The following HDAC8 variants were observed in gnomAD, a reference collection of about 807,000 sequenced individuals.
The protein encoded by HDAC8 is histone deacetylase-like 1.
Under a neutral mutation model 32.2 loss-of-function variants are expected in HDAC8, and 1 was observed. That is an observed-to-expected ratio of 0.03 (90% confidence interval 0.01 to 0.15). The LOEUF is 0.15. HDAC8 is among the 10% of genes least tolerant of loss of function. The pLI, the probability that HDAC8 is intolerant of heterozygous loss-of-function variation, is 1.00. For synonymous variants in HDAC8, 108 were observed against 113.9 expected, an observed-to-expected ratio of 0.95 and a Z score of 0.33; for missense variants, 117 against 300.0, an observed-to-expected ratio of 0.39 and a Z score of 4.51.
chrX:72,472,570 G>A (rs1392891703), intron 7 of HDAC8, among the ~76,000 whole-genome samples: 1 of 111,740 alleles, frequency 8.9e-6, no homozygotes, highest in Non-Finnish European at 1.9e-5. Flanking sequence ...TTTGATTACT[G>A]TAGTTTTGTT....
At chrX:72,361,498 G>T (rs560807821) in intron 9 of HDAC8, among the ~76,000 whole-genome samples, 1 of 111,031 alleles carries the variant, frequency 9.0e-6, no homozygotes. Flanking sequence ...TTTAAGCAAA[G>T]AATATGCTCA....
intron 9 of HDAC8, among the ~76,000 whole-genome samples, chrX:72,370,805 G>A (rs1338014122): frequency 1.8e-5 from 2 of 112,278 alleles, no homozygotes; most frequent in African/African-American, 6.5e-5. Context: ...AGAGAAAGAT[G>A]TAGGCTGGGA....
chrX:72,351,994 G>A lies in HDAC8; in HGVS notation c.1006-156C>T, dbSNP rs147459925. On this transcript the variant is annotated intron_variant, in intron 9 of 10. Coordinates refer to ENST00000373573, the MANE Select transcript of HDAC8 (RefSeq NM_018486.3). ...TGATGCAGCAGGAAGCCCTGCCTTG[G>A]TGGTATCACTACTCCCCTTGCTCAG... Among the ~76,000 whole-genome samples, 893 of 112,198 alleles carry A rather than the reference G, an allele frequency of 8.0e-3. 7 individuals carry two copies. Among genetic ancestry groups the A allele is most frequent in the African/African-American group, 0.027 (841 of 30,912 alleles).
In HDAC8 at chrX:72,464,566, C is replaced by T; in HGVS notation, c.903G>A (p.Leu301=). The T allele has an allele frequency of 8.3e-7, 1 of 1,207,006 alleles. No homozygotes were observed. Among genetic ancestry groups the T allele is most frequent in the Middle Eastern group, 2.3e-4 (1 of 4,351 alleles). ...ACCTTCCTTTATACTCACCTCCTCCCAAAATGAGTGTTGCCAACTGCCATT... is the reference window on the plus strand; with the variant it reads ...ACCTTCCTTTATACTCACCTCCTCCTAAAATGAGTGTTGCCAACTGCCATT... The part of the protein sequence containing the change: ...ILQWQLATLI[L]GGGGYNLANT... The change falls in exon 8 of 11, where the codon TTG becomes TTA. Residue 301 remains leucine, a synonymous_variant. Coordinates refer to ENST00000373573, the MANE Select transcript of HDAC8 (RefSeq NM_018486.3).
At chrX:72,374,728 T>C (rs1374672293) in intron 9 of HDAC8, among the ~76,000 whole-genome samples, 4 of 111,061 alleles carry the variant, frequency 3.6e-5, no homozygotes, top group Non-Finnish European at 7.5e-5. Flanking sequence ...TTGCAAATAT[T>C]TTGATTCACA....
intron 4 of HDAC8, among the ~76,000 whole-genome samples, chrX:72,555,531 C>T (rs782353538): frequency 3.6e-5 from 4 of 111,520 alleles, no homozygotes; most frequent in Admixed American, 9.5e-5. Context: ...GAAAATTATT[C>T]GGTGAAATGG....
chrX:72,330,931 A>G (rs1269047718), intron 10 of HDAC8: 2 of 106,835 alleles, frequency 1.9e-5, no homozygotes, highest in Non-Finnish European at 3.9e-5. Flanking sequence ...AGTCAGAAAC[A>G]AACTACTTGC....
chrX:72,349,388 C>T (rs1228852553), intron 10 of HDAC8, among the ~76,000 whole-genome samples: 2 of 112,450 alleles, frequency 1.8e-5, no homozygotes, highest in African/African-American at 6.5e-5. Flanking sequence ...GTGACTCATA[C>T]TGAGCTCCGA....
rs1171752604 is a variant in HDAC8 at position 72,467,753 on chromosome X, A to G, written c.738-3022T>C. The G allele has an allele frequency of 5.4e-5, 21 of 388,922 alleles. No homozygotes were observed. The East Asian group carries it at 9.6e-4, about 18-fold the overall frequency. 32.1% of individuals were successfully genotyped at this position (388,922 alleles called of 1,213,427 possible). On this transcript the variant is annotated intron_variant, in intron 7 of 10. Coordinates refer to ENST00000373573, the MANE Select transcript of HDAC8 (RefSeq NM_018486.3). ...CTATTGTAGGATACCCTGAAGGTTG[A>G]TGAGGGCTTTTGCAACCATCCAGGC...
rs1479258631 is a variant in HDAC8 at position 72,373,876 on chromosome X, A to G, written c.1006-22038T>C. On this transcript the variant is annotated intron_variant, in intron 9 of 10. Coordinates refer to ENST00000373573, the MANE Select transcript of HDAC8 (RefSeq NM_018486.3). ...ACATTTGCTATTATCCATCTTTTTG[A>G]TTATTGTCATCCTAGTAGGAGTGAA... 2.7e-5 allele frequency among the ~76,000 whole-genome samples: 3 copies of G among 111,697 alleles called. No individual in the cohort carries two copies. In the East Asian group the frequency reaches 8.4e-4, roughly 31 times the overall value.
intron 4 of HDAC8, among the ~76,000 whole-genome samples, chrX:72,546,739 A>G (rs1305391750): frequency 9.0e-6 from 1 of 110,816 alleles, no homozygotes; most frequent in Non-Finnish European, 1.9e-5. Flanking sequence ...CAACATAGAG[A>G]AGCAGAGGCC....
chrX:72,414,396 C>T (rs1020334581), intron 9 of HDAC8, among the ~76,000 whole-genome samples: 3 of 111,489 alleles, frequency 2.7e-5, no homozygotes, highest in African/African-American at 9.8e-5. Flanking sequence ...GGCTGCAGTA[C>T]GGTGACCCCA....
At chrX:72,387,438 C>T (rs1217062081) in intron 9 of HDAC8, among the ~76,000 whole-genome samples, 1 of 111,720 alleles carries the variant, frequency 9.0e-6, no homozygotes, top group Admixed American at 9.5e-5. Context: ...AGAGTAATTC[C>T]CTCACTCCCT....
intron 9 of HDAC8, among the ~76,000 whole-genome samples, chrX:72,447,632 G>C (rs1005936251): frequency 8.9e-6 from 1 of 111,881 alleles, no homozygotes; most frequent in Non-Finnish European, 1.9e-5. Flanking sequence ...CAAATAGGAA[G>C]AGAGGAAGTC....
intron 9 of HDAC8, among the ~76,000 whole-genome samples, chrX:72,443,274 C>T (rs1177756761): frequency 7.3e-5 from 8 of 109,240 alleles, no homozygotes; most frequent in Non-Finnish European, 1.1e-4. Context: ...AAATTGACCA[C>T]ATAGTTGGAA....
intron 9 of HDAC8, among the ~76,000 whole-genome samples, chrX:72,372,347 A>G (rs1374663061): frequency 1.8e-5 from 2 of 110,557 alleles, no homozygotes; most frequent in Non-Finnish European, 3.8e-5. Context: ...TTCACTGTGG[A>G]TTATAATTGT....
Position 72,539,240 on chromosome X carries a change from G to T in HDAC8, c.437+28649C>A, listed in dbSNP as rs782758830. On this transcript the variant is annotated intron_variant, in intron 4 of 10. Coordinates refer to ENST00000373573, the MANE Select transcript of HDAC8 (RefSeq NM_018486.3). ...TTTATTTATTTATTTATTTATTTAT[G>T]TATTTATTTTGAGACGGAATCTCAC... Among the ~76,000 whole-genome samples, 5 of 105,388 alleles carry T rather than the reference G, an allele frequency of 4.7e-5. No individual in the cohort carries two copies. The South Asian group carries it at 1.4e-3, about 29-fold the overall frequency. The allele number at this position is 105,388 out of a possible 115,157, so 91.5% of individuals were successfully genotyped here.
At chrX:72,509,842 T>G (rs1306887101) in intron 4 of HDAC8, among the ~76,000 whole-genome samples, 1 of 111,376 alleles carries the variant, frequency 9.0e-6, no homozygotes, top group Non-Finnish European at 1.9e-5. Context: ...TTGAAATTAG[T>G]CAATTTTCAC....
chrX:72,538,845 C>T (rs1459182647), intron 4 of HDAC8, among the ~76,000 whole-genome samples: 5 of 111,530 alleles, frequency 4.5e-5, no homozygotes, highest in African/African-American at 1.6e-4. Context: ...TGAAAAGATT[C>T]CATTAAATAG....
Sources: allele counts gnomAD v4.1 joint callset (sites outside exome capture counted in the v4.1 genomes callset), GRCh38; gene constraint gnomAD v4.1.1; transcripts MANE v1.5; gene names NCBI Gene and HGNC (gene_info 2026-07-23, HGNC 2026-07-21).